The following DGKB variants were observed in gnomAD, a reference collection of about 807,000 sequenced individuals.
The protein encoded by DGKB is diacylglycerol kinase beta.
DGKB carries 67 observed loss-of-function variants against 114.3 expected under a neutral mutation model. The ratio of observed to expected loss-of-function variants is 0.59; its 90% CI spans 0.48 to 0.72. The LOEUF (loss-of-function observed/expected upper bound fraction) is 0.72. Among genes scored for constraint, DGKB ranks in the 30% least tolerant of loss-of-function variants. DGKB has a pLI of 0.00. For missense variants in DGKB, 907 were observed against 975.2 expected (o/e 0.93, Z 0.93); for synonymous variants, 398 against 323.1 (o/e 1.23, Z -2.49).
At chr7:14,502,365 C>T (rs886127937) in intron 20 of DGKB, among the ~76,000 whole-genome samples, 2 of 152,020 alleles carry the variant, frequency 1.3e-5, no homozygotes, top group Non-Finnish European at 1.5e-5. Context: ...CCCCAGCTGC[C>T]AGAGCTAATG....
intron 13 of DGKB, among the ~76,000 whole-genome samples, chr7:14,657,795 A>G (rs1462687410): frequency 6.6e-6 from 1 of 151,914 alleles, no homozygotes; most frequent in Non-Finnish European, 1.5e-5. Context: ...ATCACAGAAG[A>G]TTTGAATATC....
In DGKB at chr7:14,708,187, C is replaced by G. The variant is rs1413878320; in HGVS notation, c.467-6457G>C. On this transcript the variant is annotated intron_variant, in intron 6 of 25. Coordinates refer to ENST00000402815, the MANE Select transcript of DGKB (RefSeq NM_001350709.2). ...TATACACCAACAACAGACAGAGAGC[C>G]AAATCATGAGTGAACTCCCATTCAC... Among the ~76,000 whole-genome samples the G allele has an allele frequency of 2.4e-5, 2 of 82,260 alleles. 1 individual carries two copies. The highest frequency in any genetic ancestry group is 1.3e-4 in the African/African-American group (2 of 15,978). The allele number at this position is 82,260 out of a possible 152,430, so 54.0% of individuals were successfully genotyped here. A position where few individuals can be genotyped will look rare whatever the true frequency, so the allele number is the denominator to read the frequency against.
At chr7:14,568,002 A>T (rs4721349) in intron 20 of DGKB, among the ~76,000 whole-genome samples, 100,493 of 152,062 alleles carry the variant, frequency 0.66, 33,804 homozygotes, top group East Asian at 0.94. Context: ...GAATGAAGAA[A>T]CAACTATGGA....
intron 1 of DGKB, among the ~76,000 whole-genome samples, chr7:14,854,380 A>T (rs757843815): frequency 2.0e-5 from 3 of 152,216 alleles, no homozygotes; most frequent in African/African-American, 4.8e-5. Context: ...GTAGATCAGC[A>T]GTCCCCAACC....
At chr7:14,883,901 A>C (rs1010381440) in intron 1 of DGKB, among the ~76,000 whole-genome samples, 11 of 152,050 alleles carry the variant, frequency 7.2e-5, no homozygotes, top group Non-Finnish European at 1.3e-4. Context: ...TAGTAGAATA[A>C]GACCACCAAT....
At chr7:14,769,286 T>G (rs1837059931) in intron 2 of DGKB, among the ~76,000 whole-genome samples, 2 of 129,852 alleles carry the variant, frequency 1.5e-5, no homozygotes, top group Non-Finnish European at 3.5e-5. Flanking sequence ...AAGAAAGATT[T>G]TGTAAAGGAG....
At chr7:14,959,540 C>G (rs1786720043) in intron 1 of DGKB, among the ~76,000 whole-genome samples, 1 of 151,806 alleles carries the variant, frequency 6.6e-6, no homozygotes, top group African/African-American at 2.4e-5. Flanking sequence ...GACAACATAA[C>G]TCATTTGTAG....
intron 2 of DGKB, among the ~76,000 whole-genome samples, chr7:14,810,045 C>T (rs1456125191): frequency 2.0e-5 from 3 of 152,206 alleles, no homozygotes; most frequent in Admixed American, 2.0e-4. Context: ...TCCTTCAAAT[C>T]AGATTCTTCA....
intron 5 of DGKB, among the ~76,000 whole-genome samples, chr7:14,734,343 T>C (rs10085788): frequency 0.079 from 12,090 of 152,108 alleles, 788 homozygotes; most frequent in African/African-American, 0.17. Context: ...CCGGCCTCTA[T>C]ACCAACAATT....
At chr7:14,267,877 G>A (rs76121365) in intron 23 of DGKB, among the ~76,000 whole-genome samples, 2,220 of 152,144 alleles carry the variant, frequency 0.015, 49 homozygotes, top group African/African-American at 0.05. Flanking sequence ...TATCTGAGGT[G>A]ACACCCCATT....
intron 14 of DGKB, among the ~76,000 whole-genome samples, chr7:14,629,443 T>C (rs1809270199): frequency 6.6e-6 from 1 of 151,998 alleles, no homozygotes; most frequent in East Asian, 1.9e-4. Context: ...AGAGCAGTTA[T>C]GACACTTTTT....
chr7:14,265,082 C>A (rs76546245), intron 23 of DGKB, among the ~76,000 whole-genome samples: 2 of 151,714 alleles, frequency 1.3e-5, no homozygotes, highest in African/African-American at 4.8e-5. Flanking sequence ...TTTCTGTCCC[C>A]GCCCCACCCA....
At chr7:14,578,056 T>G (rs1463606659) in intron 19 of DGKB, among the ~76,000 whole-genome samples, 2 of 152,216 alleles carry the variant, frequency 1.3e-5, no homozygotes. Flanking sequence ...GATTAGATCA[T>G]GAGGGTTGTT....
chr7:14,246,557 G>A (rs1205038578), intron 23 of DGKB, among the ~76,000 whole-genome samples: 1 of 152,054 alleles, frequency 6.6e-6, no homozygotes, highest in Non-Finnish European at 1.5e-5. Flanking sequence ...AAATTATAAA[G>A]AATATACTCT....
intron 21 of DGKB, 136 bp downstream of exon 21, chr7:14,478,025 T>TAG: frequency 2.5e-6 from 1 of 404,634 alleles, no homozygotes; most frequent in African/African-American, 2.1e-5. Context: ...TCTTAATATT[T>TAG]ACACACACAC....
intron 2 of DGKB, among the ~76,000 whole-genome samples, chr7:14,770,740 T>C (rs767877885): frequency 6.6e-6 from 1 of 152,124 alleles, no homozygotes; most frequent in African/African-American, 2.4e-5. Context: ...CCAAGAGGTA[T>C]TGGCAACCTT....
At chr7:14,832,560 A>C (rs1196025096) in intron 2 of DGKB, among the ~76,000 whole-genome samples, 1 of 152,048 alleles carries the variant, frequency 6.6e-6, no homozygotes, top group African/African-American at 2.4e-5. Flanking sequence ...TGGCATTCTA[A>C]ATGATAAAGA....
chr7:14,243,742 A>G (rs542591887), intron 23 of DGKB, among the ~76,000 whole-genome samples: 47 of 152,256 alleles, frequency 3.1e-4, no homozygotes, highest in African/African-American at 9.9e-4. Flanking sequence ...TGATAATTCA[A>G]TCTTCTTTGA....
intron 20 of DGKB, among the ~76,000 whole-genome samples, chr7:14,515,303 G>A (rs376798164): frequency 1.3e-5 from 2 of 152,226 alleles, no homozygotes; most frequent in South Asian, 4.2e-4. Flanking sequence ...GATTATGGCA[G>A]ATTCTGTGAT....
Sources: allele counts gnomAD v4.1 joint callset (sites outside exome capture counted in the v4.1 genomes callset), GRCh38; gene constraint gnomAD v4.1.1; transcripts MANE v1.5; gene names NCBI Gene and HGNC (gene_info 2026-07-23, HGNC 2026-07-21).